ANO3: variants seen among roughly 807,000 people sequenced by gnomAD.
ANO3 encodes the protein anoctamin-3.
Under a neutral mutation model 144.8 loss-of-function variants are expected in ANO3, and 99 were observed. The ratio of observed to expected loss-of-function variants is 0.68; its 90% confidence interval spans 0.58 to 0.81. The LOEUF is 0.81. Ranked by LOEUF, ANO3 falls within the 30% of genes least tolerant of loss-of-function variation. The probability of loss-of-function intolerance (pLI) is 0.00; values close to 1 mark genes in which losing one functional copy is unlikely to be tolerated. For synonymous variants in ANO3, 414 were observed against 392.6 expected (o/e 1.05, Z -0.64); for missense variants, 905 against 1,202.2 (o/e 0.75, Z 3.66).
intron 1 of ANO3, among the ~76,000 whole-genome samples, chr11:26,216,217 A>G (rs1400228668): frequency 1.3e-5 from 2 of 151,996 alleles, no homozygotes; most frequent in African/African-American, 4.8e-5. Context: ...ATAAATTTCT[A>G]AGGGTTTTCA....
intron 1 of ANO3, among the ~76,000 whole-genome samples, chr11:26,206,922 G>T (rs1418612715): frequency 6.6e-6 from 1 of 152,122 alleles, no homozygotes; most frequent in Non-Finnish European, 1.5e-5. Context: ...ACCCAACAGG[G>T]ATTAAGGGTT....
intron 1 of ANO3, among the ~76,000 whole-genome samples, chr11:26,219,311 T>C (rs1371378297): frequency 6.6e-6 from 1 of 152,160 alleles, no homozygotes; most frequent in African/African-American, 2.4e-5. Context: ...AAAGTAAATA[T>C]GAGTTAGAAA....
intron 1 of ANO3, among the ~76,000 whole-genome samples, chr11:26,365,601 C>G (rs1856046988): frequency 6.6e-6 from 1 of 152,194 alleles, no homozygotes; most frequent in African/African-American, 2.4e-5. Flanking sequence ...GACTTAAAAC[C>G]ATGGGGAAGC....
rs113004449 is a variant in ANO3, at chr11:26,542,006, A to C, written c.1092A>C (p.Leu364=). The C allele has an allele frequency of 1.7e-5, 27 of 1,612,908 alleles. No homozygotes were observed. Among genetic ancestry groups the C allele is most frequent in the African/African-American group, 1.1e-4 (8 of 74,980 alleles). ...ATGGACCTCAGAATAACAGACATCTATTATATGAGCGCTGGGCACGCTGGG... is the reference window on the plus strand; with the variant it reads ...ATGGACCTCAGAATAACAGACATCTCTTATATGAGCGCTGGGCACGCTGGG... ...KTHGPQNNRH[L]LYERWARWGM... is the part of the protein sequence containing the mutation. Residue 364 remains leucine (L), a synonymous_variant, in exon 11 of 27, where the codon CTA becomes CTC. Transcript: ENST00000256737.
intron 1 of ANO3, among the ~76,000 whole-genome samples, chr11:26,418,937 G>T (rs543083396): frequency 6.6e-6 from 1 of 152,110 alleles, no homozygotes; most frequent in East Asian, 1.9e-4. Context: ...TAACCCATGG[G>T]GACACAAAAT....
intron 1 of ANO3, among the ~76,000 whole-genome samples, chr11:26,326,731 A>C (rs1854893780): frequency 1.3e-5 from 2 of 152,158 alleles, no homozygotes; most frequent in Non-Finnish European, 2.9e-5. Flanking sequence ...TAAACAACCA[A>C]AAATACACAG....
chr11:26,557,991 T>C (rs182188070), intron 13 of ANO3, among the ~76,000 whole-genome samples: 92 of 152,314 alleles, frequency 6.0e-4, no homozygotes, highest in African/African-American at 2.1e-3. Context: ...CTAATGCTCC[T>C]TCTAGCTTTA....
At chr11:26,215,783 T>A (rs1452434795) in intron 1 of ANO3, among the ~76,000 whole-genome samples, 1 of 152,000 alleles carries the variant, frequency 6.6e-6, no homozygotes, top group Non-Finnish European at 1.5e-5. Flanking sequence ...TTAATACTGA[T>A]GTACCGGACT....
At chr11:26,554,197 T>C (rs985408247) in intron 13 of ANO3, among the ~76,000 whole-genome samples, 7 of 152,110 alleles carry the variant, frequency 4.6e-5, no homozygotes, top group African/African-American at 1.7e-4. Flanking sequence ...TATTTATGTA[T>C]TTTTTTCTGG....
chr11:26,212,895 G>A (rs572831116), intron 1 of ANO3, among the ~76,000 whole-genome samples: 4 of 152,008 alleles, frequency 2.6e-5, no homozygotes, highest in South Asian at 2.1e-4. Context: ...AAATCTTGGC[G>A]AATCAAATCT....
At chr11:26,278,035 A>G (rs1853595628) in intron 1 of ANO3, among the ~76,000 whole-genome samples, 1 of 151,774 alleles carries the variant, frequency 6.6e-6, no homozygotes, top group South Asian at 2.1e-4. Flanking sequence ...CCCAGCATCC[A>G]CTCTCCATCA....
At chr11:26,294,654 T>A (rs568957658) in intron 1 of ANO3, among the ~76,000 whole-genome samples, 23 of 152,294 alleles carry the variant, frequency 1.5e-4, no homozygotes, top group African/African-American at 4.8e-4. Context: ...GTTCTCTGAC[T>A]CCATCACCTA....
At chr11:26,448,875 C>G (rs1033563135) in intron 3 of ANO3, among the ~76,000 whole-genome samples, 1 of 150,448 alleles carries the variant, frequency 6.6e-6, no homozygotes, top group Non-Finnish European at 1.5e-5. Flanking sequence ...CCGTCTGCTA[C>G]CTTCTGTTGG....
chr11:26,257,915 A>T (rs1322828014), intron 1 of ANO3, among the ~76,000 whole-genome samples: 1 of 152,190 alleles, frequency 6.6e-6, no homozygotes, highest in Non-Finnish European at 1.5e-5. Context: ...AATAAAATTT[A>T]TACTACAGAA....
chr11:26,355,595 CTT>C (rs1855761372), intron 1 of ANO3, among the ~76,000 whole-genome samples: 2 of 148,616 alleles, frequency 1.3e-5, no homozygotes, highest in Admixed American at 1.3e-4. Flanking sequence ...GTTTCACTCT[CTT>C]TGCCCAGGAT....
At chr11:26,432,588 A>G (rs554305673) in intron 1 of ANO3, among the ~76,000 whole-genome samples, 1 of 152,276 alleles carries the variant, frequency 6.6e-6, no homozygotes, top group South Asian at 2.1e-4. Context: ...TTATGGTATA[A>G]GGAAGGGGTC....
chr11:26,429,131 G>A (rs1402018994), intron 1 of ANO3, among the ~76,000 whole-genome samples: 2 of 152,084 alleles, frequency 1.3e-5, no homozygotes, highest in African/African-American at 2.4e-5. Context: ...GTGTTTTTCT[G>A]GAGGAACTCT....
At chr11:26,556,333 T>C (rs1029405490) in intron 13 of ANO3, among the ~76,000 whole-genome samples, 26 of 152,142 alleles carry the variant, frequency 1.7e-4, no homozygotes, top group African/African-American at 6.3e-4. Flanking sequence ...TTACTCATAA[T>C]AATTTTCTCT....
chr11:26,402,427 C>G (rs1203208824), intron 1 of ANO3, among the ~76,000 whole-genome samples: 1 of 151,768 alleles, frequency 6.6e-6, no homozygotes. Context: ...GATTGTTAAC[C>G]CCATGTATGT....
Sources: allele counts gnomAD v4.1 joint callset (sites outside exome capture counted in the v4.1 genomes callset), GRCh38; gene constraint gnomAD v4.1.1; transcripts MANE v1.5; gene names NCBI Gene and HGNC (gene_info 2026-07-23, HGNC 2026-07-21).